The following CD2AP variants were observed in gnomAD, a reference collection of about 807,000 sequenced individuals.
CD2AP encodes CD2 associated protein.
Under a neutral mutation model 85.1 loss-of-function variants are expected in CD2AP, and 46 were observed. The ratio of observed to expected loss-of-function variants is 0.54; its 90% CI spans 0.43 to 0.69. The LOEUF is 0.69. Among genes scored for constraint, CD2AP ranks in the 30% least tolerant of loss-of-function variants. The probability of loss-of-function intolerance (pLI) is 0.00; values close to 1 mark genes in which losing one functional copy is unlikely to be tolerated. For missense variants in CD2AP, 769 were observed against 729.5 expected (o/e 1.05, Z -0.62); for synonymous variants, 255 against 252.9 (o/e 1.01, Z -0.08).
intron 2 of CD2AP, among the ~76,000 whole-genome samples, chr6:47,521,230 A>G (rs1357767021): frequency 1.3e-5 from 2 of 152,084 alleles, no homozygotes; most frequent in African/African-American, 4.8e-5. Flanking sequence ...CTAAATACTC[A>G]TAATTATAAA....
At chr6:47,615,354 A>G (rs1374681564) in intron 17 of CD2AP, among the ~76,000 whole-genome samples, 1 of 152,168 alleles carries the variant, frequency 6.6e-6, no homozygotes, top group Non-Finnish European at 1.5e-5. Flanking sequence ...CATTGCTATA[A>G]AGAAATACCT....
chr6:47,486,870 T>G (rs1282203430), intron 1 of CD2AP, among the ~76,000 whole-genome samples: 1 of 152,216 alleles, frequency 6.6e-6, no homozygotes, highest in Non-Finnish European at 1.5e-5. Context: ...TTTGTAAAAT[T>G]GAGACTACAT....
intron 13 of CD2AP, among the ~76,000 whole-genome samples, chr6:47,605,770 G>A (rs1284327431): frequency 6.6e-6 from 1 of 151,956 alleles, no homozygotes; most frequent in Non-Finnish European, 1.5e-5. Flanking sequence ...TTTACATGCT[G>A]ATTTTCCGAG....
chr6:47,571,706 A>T (rs1768158012), intron 5 of CD2AP, among the ~76,000 whole-genome samples: 1 of 152,124 alleles, frequency 6.6e-6, no homozygotes, highest in South Asian at 2.1e-4. Context: ...AGCAATTACT[A>T]GGGGTTAATA....
intron 8 of CD2AP, among the ~76,000 whole-genome samples, chr6:47,577,863 C>T (rs1447717046): frequency 6.6e-6 from 1 of 152,024 alleles, no homozygotes; most frequent in Non-Finnish European, 1.5e-5. Flanking sequence ...CAGGTGTGAG[C>T]TACCACACCT....
At chr6:47,551,099 A>C (rs1767507222) in intron 4 of CD2AP, among the ~76,000 whole-genome samples, 1 of 152,168 alleles carries the variant, frequency 6.6e-6, no homozygotes, top group Non-Finnish European at 1.5e-5. Flanking sequence ...TCCTCAGGTG[A>C]TGGGTGCACC....
intron 2 of CD2AP, among the ~76,000 whole-genome samples, chr6:47,522,185 A>C (rs892356738): frequency 1.3e-5 from 2 of 152,188 alleles, no homozygotes; most frequent in African/African-American, 4.8e-5. Flanking sequence ...TAGAAGGTGC[A>C]TTTGGTAGTG....
chr6:47,537,242 T>C (rs1767075722), intron 3 of CD2AP, among the ~76,000 whole-genome samples: 1 of 152,150 alleles, frequency 6.6e-6, no homozygotes, highest in African/African-American at 2.4e-5. Context: ...CTGAAGAAAA[T>C]AGTAACATTC....
intron 2 of CD2AP, among the ~76,000 whole-genome samples, chr6:47,511,735 C>T (rs566946371): frequency 2.0e-5 from 3 of 152,316 alleles, no homozygotes; most frequent in East Asian, 3.9e-4. Context: ...TTTATCACTT[C>T]AGATGTGTAT....
At chr6:47,608,961 T>C (rs1769348272) in intron 15 of CD2AP, among the ~76,000 whole-genome samples, 162 bp from the exon 16 acceptor site, 1 of 152,246 alleles carries the variant, frequency 6.6e-6, no homozygotes, top group African/African-American at 2.4e-5. Context: ...TATTCTTTAG[T>C]TGTCTGGTGA....
intron 3 of CD2AP, among the ~76,000 whole-genome samples, chr6:47,543,980 A>G (rs1767301577): frequency 6.6e-6 from 1 of 152,180 alleles, no homozygotes; most frequent in African/African-American, 2.4e-5. Flanking sequence ...TGAAGATGGG[A>G]GTGAGTCTGA....
At chr6:47,554,801 A>G (rs1446166894) in intron 5 of CD2AP, 35 bp downstream of exon 5, 17 of 1,531,852 alleles carry the variant, frequency 1.1e-5, no homozygotes, top group Non-Finnish European at 1.5e-5. Context: ...ATTGATTTAA[A>G]TAAACTTTAT....
intron 6 of CD2AP, among the ~76,000 whole-genome samples, chr6:47,574,579 A>T (rs1451725041): frequency 6.7e-6 from 1 of 148,496 alleles, no homozygotes; most frequent in African/African-American, 2.4e-5. Flanking sequence ...ATTTAGTTAT[A>T]TATATAATTA....
rs764180278 is a variant in CD2AP at position 47,599,426 on chromosome 6, G to C, written c.1400G>C (p.Arg467Thr). ...KSVDFDSLTVRTSKETDVVNF... is the reference protein window; with the variant it reads ...KSVDFDSLTVTTSKETDVVNF... ...GTAGACTTTGATTCACTTACAGTAA[G>C]GACCTCCAAAGAAACAGGTAAGTCA... is the stretch of plus-strand genomic sequence containing the variant. The change falls in exon 13 of 18, where the codon AGG becomes ACG. Residue 467 changes from arginine to threonine, a missense_variant. Coordinates refer to ENST00000359314, the MANE Select transcript of CD2AP (RefSeq NM_012120.3). The C allele has an allele frequency of 1.1e-5, 18 of 1,611,962 alleles. No homozygotes were observed. The highest frequency in any genetic ancestry group is 1.5e-5 in the Non-Finnish European group (18 of 1,179,024).
At position 47,544,622 on chromosome 6, in the gene CD2AP, G is replaced by T; in HGVS notation, c.336G>T (p.Gln112His). The change falls in exon 4 of 18, where the codon CAG becomes CAT. Residue 112 changes from glutamine (Q) to histidine (H), a missense_variant. Gln to His is a conservative substitution (Grantham distance 24). Transcript: ENST00000359314. ...KNIKKKTKKR[Q>H]CKVLFEYIPQ... The stretch of plus-strand genomic sequence containing the variant: ...TTTCTTTAGAGACCAAGAAGCGTCA[G>T]TGTAAAGTTCTTTTTGAGTACATTC... 1 of 1,607,980 alleles carries T rather than the reference G, an allele frequency of 6.2e-7. No individual in the cohort carries two copies.
At chr6:47,486,692 T>G (rs1765574376) in intron 1 of CD2AP, among the ~76,000 whole-genome samples, 1 of 152,214 alleles carries the variant, frequency 6.6e-6, no homozygotes, top group African/African-American at 2.4e-5. Flanking sequence ...TAAAACTGTC[T>G]TATCCTTCTT....
intron 5 of CD2AP, among the ~76,000 whole-genome samples, chr6:47,569,959 C>T (rs1217746812): frequency 2.6e-5 from 4 of 152,088 alleles, no homozygotes; most frequent in Non-Finnish European, 4.4e-5. Context: ...AACAGCCAGA[C>T]CTTCTTTCTA....
intron 17 of CD2AP, among the ~76,000 whole-genome samples, chr6:47,615,340 C>A (rs1381108665): frequency 6.6e-6 from 1 of 152,148 alleles, no homozygotes; most frequent in Non-Finnish European, 1.5e-5. Flanking sequence ...TTAGGCTACT[C>A]TTGCATTGCT....
At chr6:47,583,568 A>T (rs1394808229) in intron 11 of CD2AP, among the ~76,000 whole-genome samples, 4 of 152,082 alleles carry the variant, frequency 2.6e-5, no homozygotes, top group Non-Finnish European at 5.9e-5. Context: ...ATGCCTTTAA[A>T]ATTTCTCCGT....
Sources: gnomAD v4.1 joint callset for allele counts (sites outside exome capture counted in the v4.1 genomes callset) on GRCh38, gnomAD v4.1.1 for gene constraint, MANE v1.5 for transcripts, NCBI Gene and HGNC (gene_info 2026-07-23, HGNC 2026-07-21) for gene names.